Variants in EYA3 observed in about 807,000 individuals in gnomAD.
EYA3 encodes the protein protein phosphatase EYA3.
Under a neutral mutation model 80.0 loss-of-function variants are expected in EYA3, and 39 were observed. The ratio of observed to expected loss-of-function variants is 0.49; its 90% confidence interval spans 0.38 to 0.64. The LOEUF (loss-of-function observed/expected upper bound fraction) is 0.64, where lower values mean the gene tolerates loss of function less well. EYA3 is among the 30% of genes least tolerant of loss of function. EYA3 has a pLI of 0.00. For missense variants in EYA3, 523 were observed against 676.1 expected, an observed-to-expected ratio of 0.77 and a Z score of 2.51; for synonymous variants, 206 against 232.8, an observed-to-expected ratio of 0.88 and a Z score of 1.05.
chr1:28,047,552 A>G (rs1218428317), intron 3 of EYA3, among the ~76,000 whole-genome samples: 2 of 144,908 alleles, frequency 1.4e-5, no homozygotes, highest in African/African-American at 5.2e-5. Flanking sequence ...TTGGTGCACA[A>G]ACGACAGAAG....
rs143273541 is a variant in EYA3, at chr1:28,051,748, C to T, written c.34-3322G>A. Reference sequence around the variant, plus strand: ...CTAACAGAAGAAGAAGTACAATACACGTTAAAAGAAATTTAAGAAGAGCTA... The same window carrying T: ...CTAACAGAAGAAGAAGTACAATACATGTTAAAAGAAATTTAAGAAGAGCTA... On this transcript the variant is annotated intron_variant, in intron 2 of 17. Transcript: ENST00000373871. Among the ~76,000 whole-genome samples, 175 of 152,010 alleles carry T rather than the reference C, an allele frequency of 1.2e-3. 1 individual carries two copies. Among genetic ancestry groups the T allele is most frequent in the Middle Eastern group, 6.8e-3 (2 of 294 alleles).
chr1:28,027,945 A>C lies in EYA3; in HGVS notation c.362-19T>G. Reference sequence around the variant, plus strand: ...AATGCACCTGAATCAGATAAATTGGACCAATTACAAACAATACACTGGGAC... The same window carrying C: ...AATGCACCTGAATCAGATAAATTGGCCCAATTACAAACAATACACTGGGAC... On this transcript the variant is annotated intron_variant, in intron 6 of 17. Coordinates refer to ENST00000373871, the MANE Select transcript of EYA3 (RefSeq NM_001990.4). 6 of 1,614,052 alleles carry C rather than the reference A, an allele frequency of 3.7e-6. No homozygotes were observed. The highest frequency in any genetic ancestry group is 4.2e-6 in the Non-Finnish European group (5 of 1,179,914).
chr1:28,035,449 A>G (rs1462738503), intron 6 of EYA3, 95 bp downstream of exon 6: 1 of 1,386,304 alleles, frequency 7.2e-7, no homozygotes, highest in Non-Finnish European at 9.8e-7. Context: ...CACATATGTA[A>G]CTAAGTGCTT....
chr1:28,020,436 G>T (rs565202881), intron 7 of EYA3, among the ~76,000 whole-genome samples: 1 of 152,234 alleles, frequency 6.6e-6, no homozygotes, highest in South Asian at 2.1e-4. Context: ...TATGTGCCTA[G>T]AAACCATTTC....
intron 15 of EYA3, 121 bp from the exon 16 acceptor site, chr1:27,988,777 A>G (rs1639835255): frequency 9.0e-7 from 1 of 1,109,366 alleles, no homozygotes; most frequent in East Asian, 2.6e-5. Flanking sequence ...ACCTGGTATT[A>G]TACTGTTCAG....
In EYA3 at chr1:27,972,355, C is replaced by T. The variant is rs890669917; in HGVS notation, c.*2111G>A. 1 of 152,280 alleles carries T rather than the reference C, an allele frequency of 6.6e-6. No homozygotes were observed. Among genetic ancestry groups the T allele is most frequent in the African/African-American group, 2.4e-5 (1 of 41,464 alleles). The allele number at this position is 152,280 out of a possible 1,614,324, so 9.4% of individuals were successfully genotyped here. A position where few individuals can be genotyped will look rare whatever the true frequency, so the allele number is the denominator to read the frequency against. Reference sequence around the variant, plus strand: ...TCACACTACATCTCCCTCCTCCCAACCCCACAGGAAACAAGGCCAAAGAGG... The same window carrying T: ...TCACACTACATCTCCCTCCTCCCAATCCCACAGGAAACAAGGCCAAAGAGG... On this transcript the variant is annotated 3_prime_UTR_variant, in exon 18 of 18. Coordinates refer to ENST00000373871, the MANE Select transcript of EYA3 (RefSeq NM_001990.4).
At position 28,049,254 on chromosome 1, in the gene EYA3, T is replaced by C. The variant is rs562756725; in HGVS notation, c.34-828A>G. Among the ~76,000 whole-genome samples the C allele has an allele frequency of 1.1e-4, 16 of 152,254 alleles. No homozygotes were observed. In the East Asian group the frequency reaches 3.1e-3, roughly 29 times the overall value. On this transcript the variant is annotated intron_variant, in intron 2 of 17. Coordinates refer to ENST00000373871, the MANE Select transcript of EYA3 (RefSeq NM_001990.4). ...AGGTAAATAATACAGGCAAGCCCCATAAAATTTGTCGTGGCCATATACTCC... is the reference window on the plus strand; with the variant it reads ...AGGTAAATAATACAGGCAAGCCCCACAAAATTTGTCGTGGCCATATACTCC...
chr1:28,061,903 GT>G (rs772381035), intron 1 of EYA3, among the ~76,000 whole-genome samples: 11 of 140,484 alleles, frequency 7.8e-5, no homozygotes, highest in African/African-American at 2.5e-4. Flanking sequence ...CCGGTCAACG[GT>G]TTTTTTTTGT....
intron 2 of EYA3, among the ~76,000 whole-genome samples, chr1:28,048,693 G>C (rs553032167): frequency 7.8e-4 from 118 of 152,066 alleles, no homozygotes; most frequent in Non-Finnish European, 1.1e-3. Context: ...ATGTTTACTA[G>C]GATAAAGTAT....
At chr1:27,996,374 CATG>C (rs1489613466) in intron 13 of EYA3, among the ~76,000 whole-genome samples, 1 of 152,042 alleles carries the variant, frequency 6.6e-6, no homozygotes, top group African/African-American at 2.4e-5. Context: ...GCTGCTAAGA[CATG>C]ATAAGTAATT....
At chr1:28,023,094 G>GAA (rs1642556095) in intron 7 of EYA3, among the ~76,000 whole-genome samples, 1 of 4,952 alleles carries the variant, frequency 2.0e-4, no homozygotes, top group Non-Finnish European at 7.2e-4. Context: ...GGGGGGGGGG[G>GAA]GAAAACCAAA....
rs1356941886 is a variant in EYA3, at chr1:28,046,116, T to C, written c.77+2267A>G. ...GCTGGAGATGGGGGAGTGGAGAATA[T>C]TGTTTAGTGAACATGGAATTTCAGT... is the stretch of plus-strand genomic sequence containing the variant. On this transcript the variant is annotated intron_variant, in intron 3 of 17. Transcript: ENST00000373871. 2.0e-5 allele frequency among the ~76,000 whole-genome samples: 3 copies of C among 152,294 alleles called. No homozygotes were observed. The East Asian group carries it at 5.8e-4, about 29-fold the overall frequency.
intron 1 of EYA3, among the ~76,000 whole-genome samples, chr1:28,082,115 C>T (rs1645451315): frequency 6.6e-6 from 1 of 152,026 alleles, no homozygotes; most frequent in South Asian, 2.1e-4. Flanking sequence ...ACAAAAGCTA[C>T]TATAAAAAAA....
At chr1:27,977,439 A>G in intron 17 of EYA3, 8 of 1,505,462 alleles carry the variant, frequency 5.3e-6, no homozygotes, top group Non-Finnish European at 6.3e-6. Flanking sequence ...CTACAGATCC[A>G]TTTAGCAGAT....
chr1:27,998,286 G>T, intron 12 of EYA3: 1 of 983,656 alleles, frequency 1.0e-6, no homozygotes. Context: ...GCACTGACCT[G>T]GGGGGCAGGA....
chr1:28,071,085 G>C (rs1483986054), intron 1 of EYA3, among the ~76,000 whole-genome samples: 3 of 152,098 alleles, frequency 2.0e-5, no homozygotes, highest in Non-Finnish European at 4.4e-5. Context: ...ACCACGCCCA[G>C]ATAATTTTTG....
intron 1 of EYA3, among the ~76,000 whole-genome samples, chr1:28,084,573 AT>A (rs1645553787): frequency 1.0e-4 from 1 of 9,598 alleles, no homozygotes; most frequent in Non-Finnish European, 2.2e-4. Context: ...ATATATATAT[AT>A]ATATATATAT....
intron 5 of EYA3, among the ~76,000 whole-genome samples, chr1:28,037,052 G>A (rs944905749): frequency 2.0e-5 from 3 of 152,186 alleles, no homozygotes; most frequent in Admixed American, 6.5e-5. Context: ...TATATTAAGA[G>A]AAGTAGCGAG....
chr1:28,062,616 T>C (rs1415192627), intron 1 of EYA3, among the ~76,000 whole-genome samples: 2 of 151,666 alleles, frequency 1.3e-5, no homozygotes, highest in Non-Finnish European at 2.9e-5. Flanking sequence ...CAATGTGTTA[T>C]TAAAGCTCTT....
Sources: gnomAD v4.1 joint callset for allele counts (sites outside exome capture counted in the v4.1 genomes callset) on GRCh38, gnomAD v4.1.1 for gene constraint, MANE v1.5 for transcripts, NCBI Gene and HGNC (gene_info 2026-07-23, HGNC 2026-07-21) for gene names.